MICU3: variants seen among roughly 807,000 people sequenced by gnomAD.
MICU3 encodes calcium uptake protein 3, mitochondrial.
Under a neutral mutation model 66.5 loss-of-function variants are expected in MICU3, and 62 were observed. That is an observed-to-expected ratio of 0.93 (90% CI 0.76 to 1.15). The LOEUF is 1.15. Among genes scored for constraint, MICU3 ranks in the 50% most tolerant of loss-of-function variants. The pLI is 0.00. For missense variants in MICU3, 779 were observed against 664.4 expected (o/e 1.17, Z -1.90); for synonymous variants, 308 against 240.7 (o/e 1.28, Z -2.59).
intron 1 of MICU3, among the ~76,000 whole-genome samples, chr8:17,048,714 C>G (rs1179895369): frequency 6.6e-6 from 1 of 152,144 alleles, no homozygotes; most frequent in Admixed American, 6.5e-5. Context: ...CTCCTGGGCT[C>G]AAGATATCCT....
chr8:17,034,996 G>T (rs2150495720), intron 1 of MICU3, among the ~76,000 whole-genome samples: 1 of 152,320 alleles, frequency 6.6e-6, no homozygotes, highest in East Asian at 1.9e-4. Flanking sequence ...CCAGTGGGAG[G>T]TGATTGAATC....
At chr8:17,112,702 C>T (rs1195024173) in intron 11 of MICU3, among the ~76,000 whole-genome samples, 2 of 152,122 alleles carry the variant, frequency 1.3e-5, no homozygotes, top group African/African-American at 4.8e-5. Flanking sequence ...CTCATGTCTG[C>T]CCCCCAATAT....
intron 4 of MICU3, 59 bp from the exon 5 acceptor site, chr8:17,081,634 G>A (rs1472796385): frequency 1.5e-5 from 7 of 459,328 alleles, no homozygotes; most frequent in Non-Finnish European, 2.3e-5. Context: ...ATTATTTATA[G>A]CATTTATTGC....
chr8:17,036,046 G>C, intron 1 of MICU3, among the ~76,000 whole-genome samples: 1 of 152,254 alleles, frequency 6.6e-6, no homozygotes, highest in South Asian at 2.1e-4. Flanking sequence ...ATGAAGCCGC[G>C]GACCCTCGCG....
intron 11 of MICU3, among the ~76,000 whole-genome samples, chr8:17,107,941 G>C (rs1801878855): frequency 6.6e-6 from 1 of 152,174 alleles, no homozygotes; most frequent in African/African-American, 2.4e-5. Context: ...GGAAGAGACA[G>C]GTTAAGATAC....
chr8:17,073,053 G>A (rs959734237), intron 3 of MICU3, among the ~76,000 whole-genome samples: 3 of 151,682 alleles, frequency 2.0e-5, no homozygotes, highest in African/African-American at 7.3e-5. Context: ...ACCATGCCCA[G>A]CTAATTTTTG....
chr8:17,128,423 G>T, the MICU3 span, among the ~76,000 whole-genome samples: 3 of 152,060 alleles, frequency 2.0e-5, no homozygotes, highest in Non-Finnish European at 4.4e-5. Flanking sequence ...GCATATGTTG[G>T]AACTGAATAC....
At chr8:17,034,466 C>G (rs760377705) in intron 1 of MICU3, among the ~76,000 whole-genome samples, 4 of 152,190 alleles carry the variant, frequency 2.6e-5, no homozygotes, top group Non-Finnish European at 4.4e-5. Flanking sequence ...AAGGCTATAG[C>G]TGCCATAGAT....
At chr8:17,087,914 A>T (rs944673309) in intron 7 of MICU3, among the ~76,000 whole-genome samples, 1 of 152,048 alleles carries the variant, frequency 6.6e-6, no homozygotes, top group East Asian at 1.9e-4. Context: ...CATTTGTTTC[A>T]TTTGCAAATT....
chr8:17,031,498 A>C lies in MICU3; in HGVS notation c.381+3838A>C, dbSNP rs565806984. On this transcript the variant is annotated intron_variant, in intron 1 of 14. Coordinates refer to ENST00000318063, the MANE Select transcript of MICU3 (RefSeq NM_181723.3). ...GAGACAGGGTTTCACTATGTTGGCTATGCTGGTCTCAAACTCCTGACCTCA... is the reference window on the plus strand; with the variant it reads ...GAGACAGGGTTTCACTATGTTGGCTCTGCTGGTCTCAAACTCCTGACCTCA... 2.0e-5 allele frequency among the ~76,000 whole-genome samples: 3 copies of C among 151,786 alleles called. No homozygotes were observed. In the East Asian group the frequency reaches 5.8e-4, roughly 29 times the overall value.
At chr8:17,039,895 CTTTTTTTTTTTTTTTTT>C (rs35133600) in intron 1 of MICU3, among the ~76,000 whole-genome samples, 1 of 62,492 alleles carries the variant, frequency 1.6e-5, no homozygotes, top group Non-Finnish European at 2.7e-5. Flanking sequence ...ATCTTGCATT[CTTTTTTTTTTTTTTTTT>C]TTTTTTTTTT....
In MICU3 at chr8:17,064,079, T is replaced by C; in HGVS notation, c.382-5T>C. On this transcript the variant is annotated splice_region_variant and splice_polypyrimidine_tract_variant and intron_variant, in intron 1 of 14. Coordinates refer to ENST00000318063, the MANE Select transcript of MICU3 (RefSeq NM_181723.3). ...ATCCAAATGTATTTGCTTTCTTAAC[T>C]TTAGGTTGCTATTGGCAGAACAGAC... 1 of 1,606,530 alleles carries C rather than the reference T, an allele frequency of 6.2e-7. No individual in the cohort carries two copies.
chr8:17,111,257 T>C (rs1242028949), intron 11 of MICU3, among the ~76,000 whole-genome samples: 3 of 152,182 alleles, frequency 2.0e-5, no homozygotes, highest in African/African-American at 7.2e-5. Context: ...TTATCAGATA[T>C]ATTATTTGCA....
In MICU3 at chr8:17,120,412, T is replaced by G. The variant is rs938003631; in HGVS notation, c.*125T>G. The G allele has an allele frequency of 1.3e-5, 2 of 152,050 alleles. No homozygotes were observed. Among genetic ancestry groups the G allele is most frequent in the African/African-American group, 4.8e-5 (2 of 41,414 alleles). The allele number at this position is 152,050 out of a possible 1,614,324, so 9.4% of individuals were successfully genotyped here. A position where few individuals can be genotyped will look rare whatever the true frequency, so the allele number is the denominator to read the frequency against. ...AGAATGAAGGAAAAGGTGAATGCTA[T>G]GAAATTGATATTTTTTCTGGAACTG... is the stretch of plus-strand genomic sequence containing the variant. On this transcript the variant is annotated 3_prime_UTR_variant, in exon 15 of 15. Transcript: ENST00000318063.
chr8:17,085,195 T>G, intron 5 of MICU3, 41 bp from the exon 6 acceptor site: 1 of 1,372,540 alleles, frequency 7.3e-7, no homozygotes, highest in Non-Finnish European at 1.0e-6. Flanking sequence ...TTAAAATACA[T>G]TTTTCCATTT....
chr8:17,031,285 T>TATC (rs1812015307), intron 1 of MICU3, among the ~76,000 whole-genome samples: 1 of 147,844 alleles, frequency 6.8e-6, no homozygotes, highest in Admixed American at 6.8e-5. Context: ...TTATTATTAT[T>TATC]ATTATTATTA....
intron 2 of MICU3, among the ~76,000 whole-genome samples, chr8:17,068,757 T>C (rs904026579): frequency 1.7e-4 from 26 of 152,182 alleles, no homozygotes; most frequent in African/African-American, 6.3e-4. Flanking sequence ...CAAAAATTGC[T>C]TTTTTTGTAA....
chr8:17,052,723 C>T (rs1816305902), intron 1 of MICU3, among the ~76,000 whole-genome samples: 1 of 152,142 alleles, frequency 6.6e-6, no homozygotes, highest in Non-Finnish European at 1.5e-5. Flanking sequence ...TTTTCCCACA[C>T]TGGGAATTTG....
chr8:17,099,271 C>T (rs192952455), intron 9 of MICU3, among the ~76,000 whole-genome samples: 28 of 151,792 alleles, frequency 1.8e-4, no homozygotes, highest in African/African-American at 5.5e-4. Context: ...AGGCAGCTAG[C>T]GGTCTTACCA....
Sources: gnomAD v4.1 joint callset for allele counts (sites outside exome capture counted in the v4.1 genomes callset) on GRCh38, gnomAD v4.1.1 for gene constraint, MANE v1.5 for transcripts, NCBI Gene and HGNC (gene_info 2026-07-23, HGNC 2026-07-21) for gene names.